CPPED1: variants seen among roughly 807,000 people sequenced by gnomAD.
CPPED1 encodes serine/threonine-protein phosphatase CPPED1.
In CPPED1, 28 loss-of-function variants were observed where a neutral mutation model predicts 28.0. The observed-to-expected ratio is 1.00, with a 90% confidence interval of 0.74 to 1.37. The LOEUF is 1.37. Ranked by LOEUF, CPPED1 falls within the 40% of genes most tolerant of loss-of-function variation. The pLI, the probability that CPPED1 is intolerant of heterozygous loss-of-function variation, is 0.00. For missense variants in CPPED1, 504 were observed against 416.5 expected, an observed-to-expected ratio of 1.21 and a Z score of -1.83; for synonymous variants, 198 against 180.2, an observed-to-expected ratio of 1.10 and a Z score of -0.79.
chr16:12,679,120 GA>G (rs1322205721), intron 3 of CPPED1, among the ~76,000 whole-genome samples: 1 of 152,162 alleles, frequency 6.6e-6, no homozygotes, highest in Non-Finnish European at 1.5e-5. Context: ...GATTAAAAGG[GA>G]AACTCCTCAG....
chr16:12,676,231 T>C (rs2079877105), intron 3 of CPPED1, among the ~76,000 whole-genome samples: 2 of 152,168 alleles, frequency 1.3e-5, no homozygotes, highest in Non-Finnish European at 2.9e-5. Context: ...CTTCTTCAGT[T>C]AGCTTGAGAC....
intron 2 of CPPED1, among the ~76,000 whole-genome samples, chr16:12,752,035 C>T (rs2080332929): frequency 6.6e-6 from 1 of 152,140 alleles, no homozygotes; most frequent in South Asian, 2.1e-4. Flanking sequence ...TCTGACTCCC[C>T]AGGTCAAAGC....
chr16:12,781,797 T>C (rs2080533374), intron 1 of CPPED1, among the ~76,000 whole-genome samples: 1 of 152,158 alleles, frequency 6.6e-6, no homozygotes, highest in Admixed American at 6.5e-5. Context: ...TATATTTAAA[T>C]TACTAGGTGA....
chr16:12,744,489 A>G (rs8182207), intron 2 of CPPED1, among the ~76,000 whole-genome samples: 86,080 of 152,018 alleles, frequency 0.57, 24,561 homozygotes, highest in Admixed American at 0.62. Flanking sequence ...ACGAAGCCAC[A>G]GTACTTGAGA....
intron 2 of CPPED1, among the ~76,000 whole-genome samples, chr16:12,758,659 A>G (rs1403760032): frequency 6.6e-6 from 1 of 152,206 alleles, no homozygotes; most frequent in African/African-American, 2.4e-5. Flanking sequence ...CCATTAGATC[A>G]TGTGCCTGAG....
At chr16:12,757,014 A>G (rs929857596) in intron 2 of CPPED1, among the ~76,000 whole-genome samples, 4 of 152,160 alleles carry the variant, frequency 2.6e-5, no homozygotes, top group Admixed American at 2.0e-4. Flanking sequence ...CAGGGTAAGT[A>G]AGGTAGGACC....
intron 2 of CPPED1, among the ~76,000 whole-genome samples, chr16:12,771,990 G>A (rs534911091): frequency 6.6e-6 from 1 of 152,114 alleles, no homozygotes; most frequent in Non-Finnish European, 1.5e-5. Flanking sequence ...GGGCTTGGTG[G>A]TGCATGCCTG....
chr16:12,712,664 G>C (rs190190982), intron 2 of CPPED1, among the ~76,000 whole-genome samples: 1 of 152,148 alleles, frequency 6.6e-6, no homozygotes, highest in African/African-American at 2.4e-5. Flanking sequence ...TTAAGGTTTG[G>C]GGAGCAAGGG....
intron 3 of CPPED1, 29 bp from the exon 4 acceptor site, chr16:12,665,144 G>T (rs776301023): frequency 1.3e-6 from 2 of 1,576,064 alleles, no homozygotes; most frequent in Non-Finnish European, 1.7e-6. Context: ...GTCATTAGGG[G>T]GCCGAGGACT....
In CPPED1 at chr16:12,662,038, C is replaced by G. The variant is rs2079797785; in HGVS notation, c.*2848G>C. ...GACTCAAGCCTTGGGCCATCTACAT[C>G]CGTTCTTTCTCCACCAAGATGAGTT... On this transcript the variant is annotated 3_prime_UTR_variant, in exon 4 of 4. Transcript: ENST00000381774. 6.6e-6 allele frequency: 1 copy of G among 152,228 alleles called. No individual in the cohort carries two copies. Among genetic ancestry groups the G allele is most frequent in the Non-Finnish European group, 1.5e-5 (1 of 68,052 alleles). 9.4% of individuals were successfully genotyped at this position (152,228 alleles called of 1,614,324 possible).
At chr16:12,744,827 T>C (rs1296036713) in intron 2 of CPPED1, among the ~76,000 whole-genome samples, 2 of 151,940 alleles carry the variant, frequency 1.3e-5, no homozygotes, top group East Asian at 3.9e-4. Context: ...CCACAAAAAA[T>C]ACAAAAATAA....
At position 12,683,711 on chromosome 16, in the gene CPPED1, A is replaced by G. The variant is rs371270509; in HGVS notation, c.716-18596T>C. On this transcript the variant is annotated intron_variant, in intron 3 of 3. Coordinates refer to ENST00000381774, the MANE Select transcript of CPPED1 (RefSeq NM_018340.3). Reference sequence around the variant, plus strand: ...TGTCTGCCTGAACACGCTTACCCCCATCTCCTCTCCATCCTCAGTGTGATC... The same window carrying G: ...TGTCTGCCTGAACACGCTTACCCCCGTCTCCTCTCCATCCTCAGTGTGATC... Among the ~76,000 whole-genome samples the G allele has an allele frequency of 1.9e-4, 29 of 151,708 alleles. 1 individual carries two copies. The South Asian group carries it at 5.8e-3, about 31-fold the overall frequency.
intron 2 of CPPED1, among the ~76,000 whole-genome samples, chr16:12,738,927 A>G (rs1418304704): frequency 6.6e-6 from 1 of 152,180 alleles, no homozygotes; most frequent in Non-Finnish European, 1.5e-5. Context: ...TGGTAGAGAA[A>G]AGTTAAATGA....
chr16:12,718,538 T>TAAA (rs61306353), intron 2 of CPPED1, among the ~76,000 whole-genome samples: 112 of 117,774 alleles, frequency 9.5e-4, no homozygotes, highest in African/African-American at 3.2e-3. Flanking sequence ...GACTCTGTCT[T>TAAA]AAAAAAAAAA....
intron 2 of CPPED1, among the ~76,000 whole-genome samples, chr16:12,756,721 A>C (rs935357606): frequency 6.6e-6 from 1 of 152,090 alleles, no homozygotes; most frequent in Admixed American, 6.6e-5. Context: ...AAAAAAATAA[A>C]ATTAAAACAG....
At chr16:12,666,975 G>A (rs2079829069) in intron 3 of CPPED1, among the ~76,000 whole-genome samples, 2 of 151,478 alleles carry the variant, frequency 1.3e-5, no homozygotes, top group South Asian at 4.2e-4. Context: ...AGAGACACAG[G>A]TTCAAGTCTA....
intron 1 of CPPED1, among the ~76,000 whole-genome samples, chr16:12,788,478 C>T (rs1267815355): frequency 6.6e-6 from 1 of 152,152 alleles, no homozygotes; most frequent in East Asian, 1.9e-4. Flanking sequence ...CCCGCCTTTT[C>T]CTACCTAAGT....
At position 12,704,924 on chromosome 16, in the gene CPPED1, C is replaced by T. The variant is rs759943831; in HGVS notation, c.415G>A (p.Val139Ile). 26 of 1,614,054 alleles carry T rather than the reference C, an allele frequency of 1.6e-5. No homozygotes were observed. The East Asian group carries it at 3.1e-4, about 19-fold the overall frequency. Residue 139 changes from valine (V) to isoleucine (I), a missense_variant, in exon 3 of 4, where the codon GTC (valine) becomes ATC (isoleucine). By Grantham distance (29) the Val-to-Ile change is conservative (BLOSUM62 3). Transcript: ENST00000381774. ...DIGNTPTAETVEEFCRTWGDD... is the reference protein window; with the variant it reads ...DIGNTPTAETIEEFCRTWGDD... The stretch of plus-strand genomic sequence containing the variant: ...CCCCAAGTCCGGCAGAACTCCTCGA[C>T]GGTCTCGGCCGTGGGGGTGTTGCCA...
At chr16:12,772,804 T>G (rs987557587) in intron 2 of CPPED1, among the ~76,000 whole-genome samples, 17 of 152,178 alleles carry the variant, frequency 1.1e-4, no homozygotes, top group African/African-American at 4.1e-4. Context: ...CCAAACCCCC[T>G]AGGCCAGATC....
Sources: gnomAD v4.1 joint callset for allele counts (sites outside exome capture counted in the v4.1 genomes callset) on GRCh38, gnomAD v4.1.1 for gene constraint, MANE v1.5 for transcripts, NCBI Gene and HGNC (gene_info 2026-07-23, HGNC 2026-07-21) for gene names.